The following LGR6 variants were observed in gnomAD, a reference collection of about 807,000 sequenced individuals.
LGR6 encodes leucine rich repeat containing G protein-coupled receptor 6.
In LGR6, 45 loss-of-function variants were observed where a neutral mutation model predicts 69.4. The ratio of observed to expected loss-of-function variants is 0.65; its 90% CI spans 0.51 to 0.83. The LOEUF is 0.83. Ranked by LOEUF, LGR6 falls within the 40% of genes least tolerant of loss-of-function variation. The pLI, the probability that LGR6 is intolerant of heterozygous loss-of-function variation, is 0.00. For missense variants in LGR6, 1,108 were observed against 1,246.7 expected, an observed-to-expected ratio of 0.89 and a Z score of 1.68; for synonymous variants, 538 against 555.0, an observed-to-expected ratio of 0.97 and a Z score of 0.43.
chr1:202,229,336 G>A (rs757651108), intron 3 of LGR6, among the ~76,000 whole-genome samples: 15 of 152,072 alleles, frequency 9.9e-5, no homozygotes, highest in Non-Finnish European at 2.2e-4. Context: ...CTGCCTCTCA[G>A]TTCTGCTTCT....
chr1:202,194,867 T>C (rs1658580331), intron 1 of LGR6, among the ~76,000 whole-genome samples: 1 of 152,082 alleles, frequency 6.6e-6, no homozygotes, highest in South Asian at 2.1e-4. Flanking sequence ...AGACACTAAT[T>C]TGTGGGCAGG....
chr1:202,265,442 T>C (rs901878167), intron 4 of LGR6, among the ~76,000 whole-genome samples: 1 of 152,146 alleles, frequency 6.6e-6, no homozygotes, highest in Non-Finnish European at 1.5e-5. Flanking sequence ...CAAGGAATGG[T>C]TCTCAGAGAC....
rs1244968420 is a variant in LGR6 at position 202,276,529 on chromosome 1, C to T, written c.644+8C>T. ...CACCAGCCTTGTGGTGCTGTGAGTG[C>T]TGCTCTGTTCCCCATCCCCAGTGGG... On this transcript the variant is annotated splice_region_variant and intron_variant, in intron 5 of 17. Coordinates refer to ENST00000367278, the MANE Select transcript of LGR6 (RefSeq NM_001017403.2). 6.2e-7 allele frequency: 1 copy of T among 1,606,068 alleles called. No individual in the cohort carries two copies. Among genetic ancestry groups the T allele is most frequent in the Admixed American group, 1.7e-5 (1 of 59,628 alleles).
At chr1:202,314,145 C>G (rs1232544290) in intron 16 of LGR6, among the ~76,000 whole-genome samples, 7 of 152,196 alleles carry the variant, frequency 4.6e-5, no homozygotes, top group African/African-American at 1.7e-4. Context: ...TTGCCTCGTT[C>G]TACAGTCCAT....
intron 4 of LGR6, among the ~76,000 whole-genome samples, chr1:202,244,244 A>G (rs576007629): frequency 6.6e-6 from 1 of 152,340 alleles, no homozygotes; most frequent in East Asian, 1.9e-4. Flanking sequence ...GGCTTGAGCC[A>G]CCACGCCCAG....
chr1:202,317,831 G>A (rs1654262850), intron 17 of LGR6, 121 bp from the exon 18 acceptor site: 1 of 1,028,850 alleles, frequency 9.7e-7, no homozygotes, highest in Non-Finnish European at 1.4e-6. Context: ...TTTTCCGAGG[G>A]CAAGGGCCAT....
At chr1:202,221,301 C>T (rs995963993) in intron 1 of LGR6, among the ~76,000 whole-genome samples, 2 of 152,200 alleles carry the variant, frequency 1.3e-5, no homozygotes, top group African/African-American at 2.4e-5. Flanking sequence ...CTCCATCCCC[C>T]AGCATCCTCC....
intron 4 of LGR6, among the ~76,000 whole-genome samples, chr1:202,275,268 A>C (rs1338191342): frequency 1.3e-5 from 2 of 152,182 alleles, no homozygotes; most frequent in Non-Finnish European, 2.9e-5. Context: ...AAGTCCAGCA[A>C]TAGATCCATG....
At chr1:202,238,108 G>A (rs1661756773) in intron 4 of LGR6, among the ~76,000 whole-genome samples, 1 of 149,714 alleles carries the variant, frequency 6.7e-6, no homozygotes, top group Admixed American at 6.7e-5. Flanking sequence ...TTTTGTTTTT[G>A]TTTTTTGAGA....
At chr1:202,262,873 C>T (rs1172788368) in intron 4 of LGR6, among the ~76,000 whole-genome samples, 2 of 152,116 alleles carry the variant, frequency 1.3e-5, no homozygotes, top group African/African-American at 4.8e-5. Flanking sequence ...ATTTACTTCC[C>T]CTGCAGTCTT....
intron 4 of LGR6, among the ~76,000 whole-genome samples, chr1:202,255,710 C>T (rs1467676202): frequency 6.6e-6 from 1 of 152,102 alleles, no homozygotes; most frequent in African/African-American, 2.4e-5. Flanking sequence ...AGACACAATG[C>T]TTGTTAACAT....
chr1:202,198,350 G>A (rs992599335), intron 1 of LGR6, among the ~76,000 whole-genome samples: 7 of 152,214 alleles, frequency 4.6e-5, no homozygotes, highest in African/African-American at 1.7e-4. Flanking sequence ...CTGTAAACAG[G>A]GTTAAGATCT....
intron 5 of LGR6, among the ~76,000 whole-genome samples, chr1:202,278,952 A>G (rs1401510402): frequency 6.6e-6 from 1 of 152,082 alleles, no homozygotes; most frequent in East Asian, 1.9e-4. Flanking sequence ...CTTTATCTGG[A>G]CTATATACCT....
rs1006673538 is a variant in LGR6 at position 202,208,053 on chromosome 1, C to T, written c.212+13852C>T. On this transcript the variant is annotated intron_variant, in intron 1 of 17. Coordinates refer to ENST00000367278, the MANE Select transcript of LGR6 (RefSeq NM_001017403.2). ...GCCCTGCTGGCTCAGCCTCTCCCTC[C>T]AATCTCCCACCCTCCTGCTGCAGTT... is the stretch of plus-strand genomic sequence containing the variant. Among the ~76,000 whole-genome samples the T allele has an allele frequency of 4.6e-5, 7 of 152,202 alleles. 1 individual carries two copies. Among genetic ancestry groups the T allele is most frequent in the Admixed American group, 3.9e-4 (6 of 15,286 alleles).
intron 1 of LGR6, among the ~76,000 whole-genome samples, chr1:202,219,861 TTTTA>T (rs1044086652): frequency 2.0e-5 from 3 of 152,038 alleles, no homozygotes; most frequent in African/African-American, 7.2e-5. Flanking sequence ...GAGCACTGGG[TTTTA>T]TTTATTTATT....
intron 17 of LGR6, 30 bp downstream of exon 17, chr1:202,314,912 G>A: frequency 6.4e-7 from 1 of 1,558,874 alleles, no homozygotes; most frequent in Admixed American, 1.7e-5. Context: ...ATGGGGACGA[G>A]GGGGAATGGA....
At chr1:202,275,224 A>G (rs556712759) in intron 4 of LGR6, among the ~76,000 whole-genome samples, 5 of 152,290 alleles carry the variant, frequency 3.3e-5, no homozygotes, top group Non-Finnish European at 7.4e-5. Context: ...TGGGAGGACC[A>G]TGGCTCAGGG....
At chr1:202,258,914 C>A (rs3010077) in intron 4 of LGR6, among the ~76,000 whole-genome samples, 88,809 of 151,792 alleles carry the variant, frequency 0.59, 27,249 homozygotes, top group East Asian at 0.83. Flanking sequence ...CTCATTAAGT[C>A]TGATACTGGA....
At chr1:202,235,865 C>T (rs1661499668) in intron 3 of LGR6, 57 bp from the exon 4 acceptor site, 1 of 1,524,534 alleles carries the variant, frequency 6.6e-7, no homozygotes, top group Non-Finnish European at 9.1e-7. Flanking sequence ...AGTCAGCACC[C>T]TCCAGCCAGC....
Sources: allele counts gnomAD v4.1 joint callset (sites outside exome capture counted in the v4.1 genomes callset), GRCh38; gene constraint gnomAD v4.1.1; transcripts MANE v1.5; gene names NCBI Gene and HGNC (gene_info 2026-07-23, HGNC 2026-07-21).